The following STIM1 variants were observed in gnomAD, a reference collection of about 807,000 sequenced individuals.
The protein encoded by STIM1 is stromal interaction molecule 1.
In STIM1, 25 loss-of-function variants were observed where a neutral mutation model predicts 74.7. That is an observed-to-expected ratio of 0.33 (90% CI 0.24 to 0.47). STIM1 has a LOEUF of 0.47. Ranked by LOEUF, STIM1 falls within the 20% of genes least tolerant of loss-of-function variation. The pLI is 1.00. For synonymous variants in STIM1, 328 were observed against 348.8 expected (o/e 0.94, Z 0.66); for missense variants, 728 against 920.8 (o/e 0.79, Z 2.71).
chr11:4,054,600 A>T (rs771281797), intron 3 of STIM1, among the ~76,000 whole-genome samples: 1 of 152,124 alleles, frequency 6.6e-6, no homozygotes, highest in Admixed American at 6.5e-5. Flanking sequence ...CGTGCTTCTT[A>T]TGAGAATCTC....
chr11:3,952,343 C>T (rs959035043), intron 1 of STIM1, among the ~76,000 whole-genome samples: 2 of 152,054 alleles, frequency 1.3e-5, no homozygotes, highest in African/African-American at 4.8e-5. Flanking sequence ...TGCAGTGAGC[C>T]ATGATCTTGC....
At chr11:4,063,904 G>C (rs1383691339) in intron 5 of STIM1, among the ~76,000 whole-genome samples, 1 of 152,076 alleles carries the variant, frequency 6.6e-6, no homozygotes, top group Non-Finnish European at 1.5e-5. Flanking sequence ...CCTCAATAAG[G>C]GTTCTGTGTA....
At chr11:3,986,799 T>A (rs1251012286) in intron 2 of STIM1, among the ~76,000 whole-genome samples, 1 of 152,236 alleles carries the variant, frequency 6.6e-6, no homozygotes, top group Non-Finnish European at 1.5e-5. Context: ...CTTCAATGGC[T>A]GATGTGAGGC....
intron 1 of STIM1, among the ~76,000 whole-genome samples, chr11:3,874,371 T>C (rs1473121778): frequency 6.6e-6 from 1 of 152,224 alleles, no homozygotes; most frequent in Non-Finnish European, 1.5e-5. Context: ...AGTCCCACCA[T>C]TTGCCAGATC....
intron 1 of STIM1, among the ~76,000 whole-genome samples, chr11:3,869,218 C>T (rs1157640882): frequency 6.6e-6 from 1 of 152,224 alleles, no homozygotes; most frequent in Non-Finnish European, 1.5e-5. Context: ...ATCCGCCCGC[C>T]TCCACTTCCC....
chr11:3,933,952 G>A (rs2092903055), intron 1 of STIM1, among the ~76,000 whole-genome samples: 1 of 152,202 alleles, frequency 6.6e-6, no homozygotes. Flanking sequence ...CGTGGCTACT[G>A]AAGTTGGTTG....
At chr11:3,888,964 G>T (rs1381671448) in intron 1 of STIM1, among the ~76,000 whole-genome samples, 2 of 151,752 alleles carry the variant, frequency 1.3e-5, no homozygotes, top group Admixed American at 6.6e-5. Flanking sequence ...TAAATGTATA[G>T]ATCTGCTGCT....
rs2094527805 is a variant in STIM1 at position 4,091,960 on chromosome 11, CTTCA to C, written c.*165_*168del. On this transcript the variant is annotated 3_prime_UTR_variant, in exon 13 of 13. Transcript: ENST00000526596. Reference sequence around the variant, plus strand: ...ATACCTGCCCCCTCATCCTTGGGTCCTTCATTATTATTTATTAACTGACCACCAT... The same window carrying C: ...ATACCTGCCCCCTCATCCTTGGGTCCTTATTATTTATTAACTGACCACCAT... The C allele has an allele frequency of 1.0e-6, 1 of 972,792 alleles. No individual in the cohort carries two copies. Among genetic ancestry groups the C allele is most frequent in the Non-Finnish European group, 1.5e-6 (1 of 649,272 alleles). 60.3% of individuals were successfully genotyped at this position (972,792 alleles called of 1,614,324 possible).
intron 1 of STIM1, among the ~76,000 whole-genome samples, chr11:3,861,010 G>A (rs2090574994): frequency 6.6e-6 from 1 of 152,156 alleles, no homozygotes. Context: ...CTAGGTGGCT[G>A]CAGAGGGCTT....
rs540502703 is a variant in STIM1, at chr11:4,031,390, T to C, written c.385+7403T>C. On this transcript the variant is annotated intron_variant, in intron 3 of 12. Transcript: ENST00000526596. ...TAAGTCTGTATGGACATATATTTTC[T>C]TTTCTCTTAGGTAAATACCTAGGAG... 4.6e-5 allele frequency among the ~76,000 whole-genome samples: 7 copies of C among 152,332 alleles called. No homozygotes were observed. In the East Asian group the frequency reaches 1.3e-3, roughly 29 times the overall value.
intron 3 of STIM1, among the ~76,000 whole-genome samples, chr11:4,042,293 A>C (rs1429168347): frequency 6.6e-6 from 1 of 152,200 alleles, no homozygotes; most frequent in Non-Finnish European, 1.5e-5. Flanking sequence ...TTTCTGCTCA[A>C]ATATCACTTC....
intron 1 of STIM1, among the ~76,000 whole-genome samples, chr11:3,874,738 G>A (rs981695274): frequency 6.6e-5 from 10 of 152,160 alleles, no homozygotes; most frequent in Non-Finnish European, 1.3e-4. Context: ...TCCCTCATCT[G>A]ACTATTCCCG....
intron 3 of STIM1, among the ~76,000 whole-genome samples, chr11:4,046,718 T>C (rs527535039): frequency 6.6e-6 from 1 of 152,312 alleles, no homozygotes; most frequent in East Asian, 1.9e-4. Flanking sequence ...GGTGCAGTTA[T>C]GGCTCACTGC....
intron 3 of STIM1, among the ~76,000 whole-genome samples, chr11:4,037,931 A>AT (rs918178818): frequency 1.5e-4 from 23 of 151,350 alleles, no homozygotes; most frequent in African/African-American, 5.6e-4. Context: ...TTAATTCAGT[A>AT]TTTTTTATAA....
At chr11:4,079,734 C>T (rs1293245946) in intron 7 of STIM1, among the ~76,000 whole-genome samples, 1 of 152,024 alleles carries the variant, frequency 6.6e-6, no homozygotes, top group Non-Finnish European at 1.5e-5. Context: ...TGTTTTTCTC[C>T]CATGACCTAC....
chr11:3,922,519 C>A (rs995689809), intron 1 of STIM1: 1 of 152,140 alleles, frequency 6.6e-6, no homozygotes, highest in Non-Finnish European at 1.5e-5. Context: ...GTTTATCAAC[C>A]TTTTCCTCCA....
chr11:3,952,011 G>C (rs1256382692), intron 1 of STIM1, among the ~76,000 whole-genome samples: 1 of 152,128 alleles, frequency 6.6e-6, no homozygotes, highest in Non-Finnish European at 1.5e-5. Context: ...TTCAAAATCA[G>C]TATGCACCTT....
rs1177224041 is a variant in STIM1 at position 3,941,628 on chromosome 11, T to TAG, written c.140-25923_140-25922insGA. ...GTGTGTGTGTGTATACATATATATA[T>TAG]ATAGAGAGATAGTGTGTGTGTATAC... On this transcript the variant is annotated intron_variant, in intron 1 of 12. Transcript: ENST00000526596. Among the ~76,000 whole-genome samples, 17 of 106,524 alleles carry TAG rather than the reference T, an allele frequency of 1.6e-4. 1 individual carries two copies. The highest frequency in any genetic ancestry group is 3.5e-4 in the African/African-American group (10 of 28,324). The allele number at this position is 106,524 out of a possible 152,430, so 69.9% of individuals were successfully genotyped here. A position where few individuals can be genotyped will look rare whatever the true frequency, so the allele number is the denominator to read the frequency against.
chr11:3,905,811 T>C (rs1396919039), intron 1 of STIM1, among the ~76,000 whole-genome samples: 5 of 152,230 alleles, frequency 3.3e-5, no homozygotes, highest in East Asian at 1.9e-4. Context: ...CTATTTTTTT[T>C]CCATTAAATG....
Sources: allele counts gnomAD v4.1 joint callset (sites outside exome capture counted in the v4.1 genomes callset), GRCh38; gene constraint gnomAD v4.1.1; transcripts MANE v1.5; gene names NCBI Gene and HGNC (gene_info 2026-07-23, HGNC 2026-07-21).